Variants in ARHGAP6 observed in about 807,000 individuals in gnomAD.
ARHGAP6 encodes rho GTPase-activating protein 6.
A neutral mutation model predicts 55.7 loss-of-function variants in ARHGAP6; 16 were observed. The ratio of observed to expected loss-of-function variants is 0.29; its 90% confidence interval spans 0.19 to 0.44. The LOEUF is 0.44. Ranked by LOEUF, ARHGAP6 falls within the 20% of genes least tolerant of loss-of-function variation. The probability of loss-of-function intolerance (pLI) is 1.00; values close to 1 mark genes in which losing one functional copy is unlikely to be tolerated. For missense variants in ARHGAP6, 698 were observed against 808.9 expected (o/e 0.86, Z 1.66); for synonymous variants, 382 against 360.9 (o/e 1.06, Z -0.66).
chrX:11,600,665 G>A (rs1247962938), intron 1 of ARHGAP6, among the ~76,000 whole-genome samples: 2 of 112,319 alleles, frequency 1.8e-5, no homozygotes, highest in African/African-American at 6.5e-5. Flanking sequence ...CAACCTCCCT[G>A]GTCCCCAGTT....
At chrX:11,153,233 G>C (rs760591518) in intron 10 of ARHGAP6, among the ~76,000 whole-genome samples, 8 of 111,082 alleles carry the variant, frequency 7.2e-5, no homozygotes, top group African/African-American at 2.6e-4. Context: ...GCATAGTAAA[G>C]TTTGAGAAGC....
chrX:11,377,480 G>T (rs1030453131), intron 1 of ARHGAP6, among the ~76,000 whole-genome samples: 1 of 111,866 alleles, frequency 8.9e-6, no homozygotes, highest in Non-Finnish European at 1.9e-5. Context: ...AATTTATTGT[G>T]GTAATGGATG....
chrX:11,560,445 C>T (rs144259993), intron 1 of ARHGAP6, among the ~76,000 whole-genome samples: 290 of 112,313 alleles, frequency 2.6e-3, no homozygotes, highest in African/African-American at 9.1e-3. Flanking sequence ...TTCTCTAGAA[C>T]CCCAGAAGGA....
intron 1 of ARHGAP6, among the ~76,000 whole-genome samples, chrX:11,437,524 A>G (rs905980097): frequency 8.9e-6 from 1 of 112,291 alleles, no homozygotes; most frequent in African/African-American, 3.2e-5. Flanking sequence ...ACCTGTTCCC[A>G]GGAGAAACTG....
intron 1 of ARHGAP6, among the ~76,000 whole-genome samples, chrX:11,583,287 G>A (rs915827406): frequency 5.3e-5 from 6 of 112,350 alleles, no homozygotes; most frequent in African/African-American, 1.9e-4. Flanking sequence ...TCCCACAGTT[G>A]TAGTAATTTC....
chrX:11,251,896 T>C (rs937347268), intron 2 of ARHGAP6, among the ~76,000 whole-genome samples: 1 of 112,114 alleles, frequency 8.9e-6, no homozygotes, highest in African/African-American at 3.2e-5. Flanking sequence ...GAAACCCTCA[T>C]GCGATGCCTG....
At chrX:11,420,881 C>A (rs766390832) in intron 1 of ARHGAP6, among the ~76,000 whole-genome samples, 4 of 112,153 alleles carry the variant, frequency 3.6e-5, no homozygotes, top group East Asian at 5.5e-4. Context: ...ATTTGTTAAA[C>A]GGGTATTCTG....
chrX:11,632,445 A>G (rs962773196), intron 1 of ARHGAP6, among the ~76,000 whole-genome samples: 1 of 112,383 alleles, frequency 8.9e-6, no homozygotes, highest in Non-Finnish European at 1.9e-5. Context: ...CTTTATGGGT[A>G]GAGAATTGAA....
At chrX:11,217,337 T>A (rs934391731) in intron 2 of ARHGAP6, among the ~76,000 whole-genome samples, 2 of 112,108 alleles carry the variant, frequency 1.8e-5, no homozygotes, top group Non-Finnish European at 3.8e-5. Flanking sequence ...ACCAACAGTG[T>A]AAAAGCATTC....
intron 1 of ARHGAP6, among the ~76,000 whole-genome samples, chrX:11,317,636 A>C (rs2048374896): frequency 8.9e-6 from 1 of 111,870 alleles, no homozygotes; most frequent in Non-Finnish European, 1.9e-5. Flanking sequence ...AAGGGCATCA[A>C]AGTGATCCAA....
chrX:11,399,794 T>C (rs1016555587), intron 1 of ARHGAP6, among the ~76,000 whole-genome samples: 7 of 112,063 alleles, frequency 6.2e-5, no homozygotes, highest in African/African-American at 2.3e-4. Context: ...GTTCACAGCA[T>C]TATTCATAAT....
At position 11,455,933 on chromosome X, in the gene ARHGAP6, T is replaced by C. The variant is rs1244195519; in HGVS notation, c.589-201226A>G. ...TTTTAAAATTTCTAACCTGTTGTTA[T>C]AATCTGCAGATGATATAACTTCCTG... On this transcript the variant is annotated intron_variant, in intron 1 of 12. Transcript: ENST00000337414. Among the ~76,000 whole-genome samples the C allele has an allele frequency of 3.6e-5, 4 of 112,426 alleles. No individual in the cohort carries two copies. The East Asian group carries it at 1.1e-3, about 31-fold the overall frequency.
intron 8 of ARHGAP6, among the ~76,000 whole-genome samples, chrX:11,177,565 C>T (rs942484231): frequency 2.3e-4 from 26 of 111,377 alleles, no homozygotes; most frequent in African/African-American, 8.5e-4. Context: ...TCCCTTGCAT[C>T]GAGCAAGTCC....
chrX:11,544,473 A>G (rs766164047), intron 1 of ARHGAP6, among the ~76,000 whole-genome samples: 2 of 112,380 alleles, frequency 1.8e-5, no homozygotes, highest in African/African-American at 6.5e-5. Context: ...AATAAACCCT[A>G]AAGGTTGGGT....
At chrX:11,500,679 AAAAAAG>A (rs1249372622) in intron 1 of ARHGAP6, among the ~76,000 whole-genome samples, 4 of 108,878 alleles carry the variant, frequency 3.7e-5, no homozygotes, top group African/African-American at 1.0e-4. Flanking sequence ...AAAAAAAAAA[AAAAAAG>A]AAGAAGCAAA....
intron 8 of ARHGAP6, among the ~76,000 whole-genome samples, chrX:11,174,553 CCTTCCTTCCTTCCTTCCTTCCTTTCTTT>C (rs1243926179): frequency 6.9e-4 from 56 of 81,594 alleles, no homozygotes; most frequent in African/African-American, 2.0e-3. Context: ...TTCCTTCCTT[CCTTCCTTCCTTCCTTCCTTCCTTTCTTT>C]CTTTCTTTCT....
intron 1 of ARHGAP6, among the ~76,000 whole-genome samples, chrX:11,367,620 C>A (rs1311918877): frequency 4.5e-5 from 5 of 112,247 alleles, no homozygotes; most frequent in African/African-American, 1.6e-4. Flanking sequence ...ATAATATGGT[C>A]ATTTAAAATT....
chrX:11,531,907 C>A (rs1204089846), intron 1 of ARHGAP6, among the ~76,000 whole-genome samples: 1 of 112,398 alleles, frequency 8.9e-6, no homozygotes, highest in East Asian at 2.8e-4. Flanking sequence ...ATCAGCATAA[C>A]CAGTATTAAA....
intron 2 of ARHGAP6, among the ~76,000 whole-genome samples, chrX:11,253,469 C>T (rs1348072771): frequency 1.8e-5 from 2 of 111,758 alleles, no homozygotes; most frequent in East Asian, 5.6e-4. Context: ...AGCTTCCTAT[C>T]CCTCTTCTGC....
Sources: allele counts gnomAD v4.1 joint callset (sites outside exome capture counted in the v4.1 genomes callset), GRCh38; gene constraint gnomAD v4.1.1; transcripts MANE v1.5; gene names NCBI Gene and HGNC (gene_info 2026-07-23, HGNC 2026-07-21).